The following HSPG2 variants were observed in gnomAD, a reference collection of about 807,000 sequenced individuals.
HSPG2 encodes the protein basement membrane-specific heparan sulfate proteoglycan core protein.
In HSPG2, 278 loss-of-function variants were observed where a neutral mutation model predicts 526.6. The observed-to-expected ratio is 0.53, with a 90% CI of 0.48 to 0.58. HSPG2 has a LOEUF of 0.58. HSPG2 is among the 20% of genes least tolerant of loss of function. The probability of loss-of-function intolerance (pLI) is 0.00; values close to 1 mark genes in which losing one functional copy is unlikely to be tolerated. For missense variants in HSPG2, 5,354 were observed against 6,099.5 expected (o/e 0.88, Z 4.07); for synonymous variants, 2,465 against 2,555.4 (o/e 0.96, Z 1.07).
intron 1 of HSPG2, among the ~76,000 whole-genome samples, chr1:21,916,536 C>T (rs1168629375): frequency 6.7e-6 from 1 of 150,244 alleles, no homozygotes; most frequent in Admixed American, 6.6e-5. Flanking sequence ...ATAAATAACA[C>T]AAAAAAAATT....
At position 21,878,587 on chromosome 1, in the gene HSPG2, G is replaced by C. The variant is rs768371686; in HGVS notation, c.2548C>G (p.Arg850Gly). 4 of 1,613,996 alleles carry C rather than the reference G, an allele frequency of 2.5e-6. No homozygotes were observed. In the African/African-American group the frequency reaches 4.0e-5, roughly 16 times the overall value. Residue 850 changes from arginine (R) to glycine (G), a missense_variant, in exon 19 of 97, where the codon CGC becomes GGC. Arg to Gly is a moderately radical substitution (Grantham distance 125, BLOSUM62 -2). Transcript: ENST00000374695. ...DACAPGYTGR[R>G]CESCAPGYEG... ...AAGGCTCTCCCTCACCTCTCACAGC[G>C]GCGGCCAGTGTAGCCTGGGGCACAG...
chr1:21,853,845 T>A (rs184211252), intron 50 of HSPG2: 22 of 347,256 alleles, frequency 6.3e-5, no homozygotes, highest in South Asian at 4.1e-4. Flanking sequence ...ACTGCTCCAT[T>A]TCATAGATGA....
intron 1 of HSPG2, among the ~76,000 whole-genome samples, chr1:21,907,656 T>A (rs1643448515): frequency 6.6e-6 from 1 of 151,984 alleles, no homozygotes; most frequent in African/African-American, 2.4e-5. Context: ...TAGCTGGGAG[T>A]ATAGGTGTAC....
chr1:21,900,762 ATAG>A (rs1643055076), intron 1 of HSPG2, among the ~76,000 whole-genome samples: 2 of 152,088 alleles, frequency 1.3e-5, no homozygotes, highest in Non-Finnish European at 2.9e-5. Context: ...GTGCATGCCT[ATAG>A]TCCCAACTAC....
intron 42 of HSPG2, among the ~76,000 whole-genome samples, chr1:21,857,876 G>T (rs1286001170): frequency 6.6e-6 from 1 of 152,108 alleles, no homozygotes; most frequent in Non-Finnish European, 1.5e-5. Flanking sequence ...TCTAGATACT[G>T]GTCCCTGAAG....
chr1:21,839,601 C>T lies in HSPG2; in HGVS notation c.9710-51G>A, dbSNP rs1277215700. On this transcript the variant is annotated intron_variant, in intron 72 of 96. Transcript: ENST00000374695. The surrounding 1 kb of genome is among the most constrained non-coding windows in gnomAD (Gnocchi z 4.5). ...GAAGTCACTGGGCTACCTCAGGGAC[C>T]CGCAGAGGGTGGCCATGGTGAGGAA... The T allele has an allele frequency of 1.2e-5, 19 of 1,597,636 alleles. No individual in the cohort carries two copies. Among genetic ancestry groups the T allele is most frequent in the Non-Finnish European group, 1.6e-5 (19 of 1,169,164 alleles).
rs1332584154 is a variant in HSPG2, at chr1:21,889,996, G to A, written c.559C>T (p.Arg187Ter). Residue 187 changes from arginine (R) to a stop codon, truncating the protein, a stop_gained, in exon 6 of 97, where the codon CGA becomes TGA. Coordinates refer to ENST00000374695, the MANE Select transcript of HSPG2 (RefSeq NM_005529.7). LOFTEE classifies it high-confidence loss of function. Reference sequence around the variant, plus strand: ...ATAGGCTCACCTGTGCCCAGGCGTCGGAACTGGAATCCCTGGGGAGAGGTG... The same window carrying A: ...ATAGGCTCACCTGTGCCCAGGCGTCAGAACTGGAATCCCTGGGGAGAGGTG... ...YVTSPQGFQF[R>*]RLGTVPQFPR... is the part of the protein sequence containing the mutation. 3.1e-6 allele frequency: 5 copies of A among 1,613,914 alleles called. No individual in the cohort carries two copies. Among genetic ancestry groups the A allele is most frequent in the Non-Finnish European group, 4.2e-6 (5 of 1,179,982 alleles).
At position 21,839,230 on chromosome 1, in the gene HSPG2, G is replaced by T; in HGVS notation, c.9889+141C>A. On this transcript the variant is annotated intron_variant, in intron 73 of 96. Coordinates refer to ENST00000374695, the MANE Select transcript of HSPG2 (RefSeq NM_005529.7). The surrounding 1 kb of genome is among the most constrained non-coding windows in gnomAD (Gnocchi z 4.5). ...AGCAAAGGTCCCAGGCCAGGGTGTG[G>T]GTGTCGGGCAGGGCAGGCTCCAGGA... 1 of 1,428,768 alleles carries T rather than the reference G, an allele frequency of 7.0e-7. No homozygotes were observed. Among genetic ancestry groups the T allele is most frequent in the Non-Finnish European group, 9.6e-7 (1 of 1,036,514 alleles). 88.5% of individuals were successfully genotyped at this position (1,428,768 alleles called of 1,614,324 possible). A position where few individuals can be genotyped will look rare whatever the true frequency, so the allele number is the denominator to read the frequency against.
chr1:21,895,863 G>T lies in HSPG2; in HGVS notation c.244+59C>A. The T allele has an allele frequency of 1.3e-6, 2 of 1,525,280 alleles. No homozygotes were observed. The highest frequency in any genetic ancestry group is 1.4e-5 in the African/African-American group (1 of 73,356). 94.5% of individuals were successfully genotyped at this position (1,525,280 alleles called of 1,614,324 possible). A position where few individuals can be genotyped will look rare whatever the true frequency, so the allele number is the denominator to read the frequency against. ...AAGGAGCCCTCAGCCCAGGAGACTGGCTCTGGGGCTTCCCTGGGGGACAGG... is the reference window on the plus strand; with the variant it reads ...AAGGAGCCCTCAGCCCAGGAGACTGTCTCTGGGGCTTCCCTGGGGGACAGG... On this transcript the variant is annotated intron_variant, in intron 3 of 96. Transcript: ENST00000374695. This position sits in a 1 kb window ranked among gnomAD's most constrained non-coding sequence, Gnocchi z 4.1.
chr1:21,902,948 T>A (rs1353080835), intron 1 of HSPG2, among the ~76,000 whole-genome samples: 1 of 152,206 alleles, frequency 6.6e-6, no homozygotes, highest in Non-Finnish European at 1.5e-5. Context: ...TGGAAGGCAG[T>A]GACTTTGATC....
In HSPG2 at chr1:21,864,899, C is replaced by A; in HGVS notation, c.4570G>T (p.Ala1524Ser). ...AQPGPSNRPR[A>S]LEVEECRCPP... ...CAGCGGCACTCCTCCACCTCGAGGG[C>A]GCGGGGTCTGTTTGAGGGCCCCGGC... Residue 1524 changes from alanine to serine, a missense_variant, in exon 36 of 97, where the codon GCC (alanine) becomes TCC (serine). Coordinates refer to ENST00000374695, the MANE Select transcript of HSPG2 (RefSeq NM_005529.7). This position sits in a 1 kb window ranked among gnomAD's most constrained non-coding sequence, Gnocchi z 4.8. 6.2e-7 allele frequency: 1 copy of A among 1,610,324 alleles called. No individual in the cohort carries two copies.
intron 71 of HSPG2, 123 bp from the exon 72 acceptor site, chr1:21,840,140 T>G (rs2098042870): frequency 1.3e-6 from 1 of 759,824 alleles, no homozygotes; most frequent in African/African-American, 1.8e-5. Context: ...ATTTACTTAT[T>G]TATATATTTA....
chr1:21,881,403 A>G lies in HSPG2; in HGVS notation c.1754T>C (p.Leu585Pro), dbSNP rs1239878540. The G allele has an allele frequency of 1.9e-6, 3 of 1,614,132 alleles. No individual in the cohort carries two copies. Residue 585 changes from leucine (L) to proline (P), a missense_variant, in exon 14 of 97, where the codon CTG becomes CCG. Transcript: ENST00000374695. ...PSLHEFQLVD[L>P]SRRFLVHDSF... ...GTCGTGGACGAGGAAGCGGCGGGAC[A>G]GGTCGACTAGCTGGAACTCGTGCAG...
chr1:21,855,485 G>A, intron 46 of HSPG2, 38 bp downstream of exon 46: 1 of 1,612,130 alleles, frequency 6.2e-7, no homozygotes, highest in South Asian at 1.1e-5. Flanking sequence ...CCTGGGCTGA[G>A]CACACTCCCG....
At chr1:21,934,073 G>C (rs562757241) in intron 1 of HSPG2, among the ~76,000 whole-genome samples, 1 of 152,188 alleles carries the variant, frequency 6.6e-6, no homozygotes, top group Non-Finnish European at 1.5e-5. Flanking sequence ...GGCCTGCCGA[G>C]TCACCCAGGC....
intron 1 of HSPG2, among the ~76,000 whole-genome samples, chr1:21,925,012 C>T (rs1644147537): frequency 6.6e-6 from 1 of 152,202 alleles, no homozygotes; most frequent in African/African-American, 2.4e-5. Context: ...TCCTGCCTCT[C>T]CAACAAGATC....
At position 21,865,502 on chromosome 1, in the gene HSPG2, G is replaced by T; in HGVS notation, c.4315-137C>A. The T allele has an allele frequency of 2.2e-6, 2 of 918,326 alleles. No homozygotes were observed. The highest frequency in any genetic ancestry group is 3.5e-6 in the Non-Finnish European group (2 of 568,440). 56.9% of individuals were successfully genotyped at this position (918,326 alleles called of 1,614,324 possible). ...CTCCCAAGCTCATGCGCCCAAAGGA[G>T]TCAGGCACATGCCCACTGCCCCCTT... On this transcript the variant is annotated intron_variant, in intron 34 of 96. Coordinates refer to ENST00000374695, the MANE Select transcript of HSPG2 (RefSeq NM_005529.7). This position sits in a 1 kb window ranked among gnomAD's most constrained non-coding sequence, Gnocchi z 5.4.
intron 1 of HSPG2, among the ~76,000 whole-genome samples, chr1:21,905,610 C>T (rs1384255583): frequency 1.3e-5 from 2 of 152,188 alleles, no homozygotes; most frequent in Non-Finnish European, 2.9e-5. Context: ...GGTGTGGTGG[C>T]AGGCGCCTGT....
Position 21,848,818 on chromosome 1 carries a change from G to A in HSPG2, c.7586-24C>T, listed in dbSNP as rs1638659132. 1 of 1,613,448 alleles carries A rather than the reference G, an allele frequency of 6.2e-7. No individual in the cohort carries two copies. Among genetic ancestry groups the A allele is most frequent in the East Asian group, 2.2e-5 (1 of 44,866 alleles). Reference sequence around the variant, plus strand: ...GGCTGGGAGGGTGAGATGTAAGGCAGGGTGTGGGAGCTGCTGAGGGTGCAG... The same window carrying A: ...GGCTGGGAGGGTGAGATGTAAGGCAAGGTGTGGGAGCTGCTGAGGGTGCAG... On this transcript the variant is annotated intron_variant, in intron 58 of 96. Coordinates refer to ENST00000374695, the MANE Select transcript of HSPG2 (RefSeq NM_005529.7). This position sits in a 1 kb window ranked among gnomAD's most constrained non-coding sequence, Gnocchi z 4.9.
Sources: allele counts gnomAD v4.1 joint callset (sites outside exome capture counted in the v4.1 genomes callset), GRCh38; gene constraint gnomAD v4.1.1; non-coding constraint Gnocchi (gnomAD v3.1); transcripts MANE v1.5; gene names NCBI Gene and HGNC (gene_info 2026-07-23, HGNC 2026-07-21).